BCAS3: variants seen among roughly 807,000 people sequenced by gnomAD.
The protein encoded by BCAS3 is BCAS4/BCAS3 fusion.
In BCAS3, 53 loss-of-function variants were observed where a neutral mutation model predicts 116.1. The observed-to-expected ratio is 0.46, with a 90% confidence interval of 0.37 to 0.57. The LOEUF is 0.57. Ranked by LOEUF, BCAS3 falls within the 20% of genes least tolerant of loss-of-function variation. BCAS3 has a pLI of 0.00. For synonymous variants in BCAS3, 391 were observed against 408.2 expected (o/e 0.96, Z 0.51); for missense variants, 917 against 1,165.4 (o/e 0.79, Z 3.10).
In BCAS3 at chr17:61,087,167, C is replaced by G; in HGVS notation, c.2425+2603C>G. The G allele has an allele frequency of 5.1e-6, 5 of 985,424 alleles. No individual in the cohort carries two copies. The highest frequency in any genetic ancestry group is 6.0e-6 in the Non-Finnish European group (5 of 829,908). The allele number at this position is 985,424 out of a possible 1,614,324, so 61.0% of individuals were successfully genotyped here. ...GGGAAGTGCACCTCTGATTATGATC[C>G]ATGCATTGGAGTCAGCTGCACATCA... On this transcript the variant is annotated intron_variant, in intron 22 of 23. Coordinates refer to ENST00000407086, the MANE Select transcript of BCAS3 (RefSeq NM_017679.5). This position sits in a 1 kb window ranked among gnomAD's most constrained non-coding sequence, Gnocchi z 4.6.
rs983249101 is a variant in BCAS3 at position 61,032,735 on chromosome 17, A to C, written c.1638-1931A>C. 1.3e-5 allele frequency among the ~76,000 whole-genome samples: 2 copies of C among 152,188 alleles called. No homozygotes were observed. Among genetic ancestry groups the C allele is most frequent in the African/African-American group, 4.8e-5 (2 of 41,452 alleles). ...TGAAACAGTTTATAGAGCCAGATTC[A>C]GCTTCCCACAGAAACTTTTTATTTA... On this transcript the variant is annotated intron_variant, in intron 16 of 23. Coordinates refer to ENST00000407086, the MANE Select transcript of BCAS3 (RefSeq NM_017679.5). This position sits in a 1 kb window ranked among gnomAD's most constrained non-coding sequence, Gnocchi z 4.6.
rs58998607 is a variant in BCAS3 at position 60,814,302 on chromosome 17, T to TGCGCGC, written c.476+6227_476+6228insCGCGCG. 7.8e-3 allele frequency among the ~76,000 whole-genome samples: 1,080 copies of TGCGCGC among 138,836 alleles called. 21 individuals carry two copies. Among genetic ancestry groups the TGCGCGC allele is most frequent in the African/African-American group, 0.03 (1,021 of 33,842 alleles). 91.1% of individuals were successfully genotyped at this position (138,836 alleles called of 152,430 possible). On this transcript the variant is annotated intron_variant, in intron 7 of 23. Coordinates refer to ENST00000407086, the MANE Select transcript of BCAS3 (RefSeq NM_017679.5). The stretch of plus-strand genomic sequence containing the variant: ...GTGTGTGTGTGTGTGTGTGTGTGTG[T>TGCGCGC]GTGTGCGCGCGTGCCCATTGCAAAT...
intron 5 of BCAS3, among the ~76,000 whole-genome samples, chr17:60,728,762 A>G (rs2144145341): frequency 6.6e-6 from 1 of 152,326 alleles, no homozygotes. Flanking sequence ...TACAGGCATG[A>G]GCCACCACAC....
chr17:60,898,852 G>T (rs1288349307), intron 10 of BCAS3, among the ~76,000 whole-genome samples: 2 of 149,084 alleles, frequency 1.3e-5, no homozygotes, highest in African/African-American at 5.0e-5. Flanking sequence ...GCAGTGGTCT[G>T]GGGGTTCGGG....
In BCAS3 at chr17:61,134,120, T is replaced by C. The variant is rs1168902093; in HGVS notation, c.2425+49556T>C. On this transcript the variant is annotated intron_variant, in intron 22 of 23. Transcript: ENST00000407086. This position sits in a 1 kb window ranked among gnomAD's most constrained non-coding sequence, Gnocchi z 4.6. Reference sequence around the variant, plus strand: ...TTGGCCTGATGTGGAAAATAAATATTTCATATAGTCTGCTATAGTCTGGCC... The same window carrying C: ...TTGGCCTGATGTGGAAAATAAATATCTCATATAGTCTGCTATAGTCTGGCC... 6.6e-6 allele frequency among the ~76,000 whole-genome samples: 1 copy of C among 152,112 alleles called. No homozygotes were observed. Among genetic ancestry groups the C allele is most frequent in the Non-Finnish European group, 1.5e-5 (1 of 68,026 alleles).
intron 22 of BCAS3, among the ~76,000 whole-genome samples, chr17:61,155,494 CAA>C (rs11327492): frequency 0.015 from 1,903 of 125,348 alleles, 23 homozygotes; most frequent in African/African-American, 0.034. Context: ...AGAGTGGTAG[CAA>C]AAAAAAAAAA....
chr17:61,116,885 A>G (rs2075496941), intron 22 of BCAS3, among the ~76,000 whole-genome samples: 1 of 152,162 alleles, frequency 6.6e-6, no homozygotes, highest in African/African-American at 2.4e-5. Flanking sequence ...ATATAGGTAA[A>G]GTGCCATTTT....
At chr17:61,081,170 A>G (rs1292696213) in intron 21 of BCAS3, among the ~76,000 whole-genome samples, 2 of 152,180 alleles carry the variant, frequency 1.3e-5, no homozygotes, top group Non-Finnish European at 2.9e-5. Flanking sequence ...TCTCTTCACA[A>G]CTATATAACA....
rs999858307 is a variant in BCAS3 at position 61,118,920 on chromosome 17, C to T, written c.2425+34356C>T. 2.6e-5 allele frequency among the ~76,000 whole-genome samples: 4 copies of T among 151,908 alleles called. No homozygotes were observed. The highest frequency in any genetic ancestry group is 5.9e-5 in the Non-Finnish European group (4 of 67,950). Reference sequence around the variant, plus strand: ...GCATACTAACACTACCCCCAAAATGCATTTTGCTTTTTAAATTATCTTCCA... The same window carrying T: ...GCATACTAACACTACCCCCAAAATGTATTTTGCTTTTTAAATTATCTTCCA... On this transcript the variant is annotated intron_variant, in intron 22 of 23. Coordinates refer to ENST00000407086, the MANE Select transcript of BCAS3 (RefSeq NM_017679.5). The surrounding 1 kb of genome is among the most constrained non-coding windows in gnomAD (Gnocchi z 5.0).
At chr17:60,684,300 T>C (rs2033701068) in intron 3 of BCAS3, among the ~76,000 whole-genome samples, 1 of 152,142 alleles carries the variant, frequency 6.6e-6, no homozygotes. Context: ...GACCTGGGAC[T>C]TTCTTTCTTA....
chr17:60,802,114 C>T (rs553645957), intron 6 of BCAS3, among the ~76,000 whole-genome samples: 2 of 151,382 alleles, frequency 1.3e-5, no homozygotes, highest in Non-Finnish European at 2.9e-5. Flanking sequence ...TTGAGACCAG[C>T]CTCTACTAAA....
Position 60,960,366 on chromosome 17 carries a change from T to G in BCAS3, c.1221+13014T>G, listed in dbSNP as rs868322107. Among the ~76,000 whole-genome samples the G allele has an allele frequency of 3.9e-5, 6 of 152,330 alleles. No homozygotes were observed. The highest frequency in any genetic ancestry group is 2.1e-4 in the South Asian group (1 of 4,824). ...AATTTATCCTAGGGCAAAATTCCTG[T>G]GCTTCTGTGGACCTGTGAAACTACA... is the stretch of plus-strand genomic sequence containing the variant. On this transcript the variant is annotated intron_variant, in intron 14 of 23. Coordinates refer to ENST00000407086, the MANE Select transcript of BCAS3 (RefSeq NM_017679.5). The surrounding 1 kb of genome is among the most constrained non-coding windows in gnomAD (Gnocchi z 4.1).
intron 7 of BCAS3, among the ~76,000 whole-genome samples, chr17:60,828,825 A>G (rs1381492757): frequency 1.3e-5 from 2 of 152,174 alleles, no homozygotes; most frequent in Admixed American, 1.3e-4. Flanking sequence ...TAAATAATCC[A>G]GGACATCGTT....
chr17:61,146,799 T>TTA (rs1240811509), intron 22 of BCAS3, among the ~76,000 whole-genome samples: 1 of 152,172 alleles, frequency 6.6e-6, no homozygotes, highest in African/African-American at 2.4e-5. Context: ...GAGTAAAATG[T>TTA]TATGCAAATT....
chr17:60,908,591 T>A (rs1240839827), intron 11 of BCAS3, among the ~76,000 whole-genome samples: 1 of 152,184 alleles, frequency 6.6e-6, no homozygotes, highest in Non-Finnish European at 1.5e-5. Flanking sequence ...CTTCAGAGGC[T>A]TACTTGACAA....
rs1936400903 is a variant in BCAS3 at position 61,082,620 on chromosome 17, A to G, written c.2328-1847A>G. Among the ~76,000 whole-genome samples, 2 of 152,334 alleles carry G rather than the reference A, an allele frequency of 1.3e-5. No individual in the cohort carries two copies. The highest frequency in any genetic ancestry group is 6.5e-5 in the Admixed American group (1 of 15,304). ...GGGCATAATTTTGAATGGACTGACC[A>G]TATCTAAGAGGCTAGCTTTTTGTTG... On this transcript the variant is annotated intron_variant, in intron 21 of 23. Coordinates refer to ENST00000407086, the MANE Select transcript of BCAS3 (RefSeq NM_017679.5). This position sits in a 1 kb window ranked among gnomAD's most constrained non-coding sequence, Gnocchi z 5.1.
intron 22 of BCAS3, among the ~76,000 whole-genome samples, chr17:61,321,513 G>A (rs983245599): frequency 6.6e-6 from 1 of 152,212 alleles, no homozygotes; most frequent in Admixed American, 6.5e-5. Flanking sequence ...GCCATTTGAT[G>A]TCGGGCGGTA....
chr17:61,031,178 A>G (rs567074730), intron 16 of BCAS3, among the ~76,000 whole-genome samples: 12 of 152,168 alleles, frequency 7.9e-5, no homozygotes, highest in Middle Eastern at 3.4e-3. Context: ...GTTGAGAACA[A>G]GAGAGAAAAA....
intron 22 of BCAS3, among the ~76,000 whole-genome samples, chr17:61,101,060 A>G (rs2074297482): frequency 6.6e-6 from 1 of 152,076 alleles, no homozygotes; most frequent in Non-Finnish European, 1.5e-5. Context: ...GTGACCTAAG[A>G]ACTATTTATA....
Sources: allele counts gnomAD v4.1 joint callset (sites outside exome capture counted in the v4.1 genomes callset), GRCh38; gene constraint gnomAD v4.1.1; non-coding constraint Gnocchi (gnomAD v3.1); transcripts MANE v1.5; gene names NCBI Gene and HGNC (gene_info 2026-07-23, HGNC 2026-07-21).